NOTCH2: variants seen among roughly 807,000 people sequenced by gnomAD.
NOTCH2 encodes notch receptor 2.
NOTCH2 carries 29 observed loss-of-function variants against 235.8 expected under a neutral mutation model. That is an observed-to-expected ratio of 0.12 (90% confidence interval 0.09 to 0.17). The LOEUF (loss-of-function observed/expected upper bound fraction) is 0.17, where lower values mean the gene tolerates loss of function less well. Among genes scored for constraint, NOTCH2 ranks in the 10% least tolerant of loss-of-function variants. NOTCH2 has a pLI of 1.00. For missense variants in NOTCH2, 2,285 were observed against 3,150.2 expected (o/e 0.73, Z 6.57); for synonymous variants, 1,086 against 1,141.5 (o/e 0.95, Z 0.98).
rs1474783150 is a variant in NOTCH2, at chr1:120,065,883, CACAAT to C, written c.73+3446_73+3450del. ...GAAGCATGTAACTATGGACTGTGAACACAATATAAAGAAAATGATGTAAAATTTCT... is the reference window on the plus strand; with the variant it reads ...GAAGCATGTAACTATGGACTGTGAACATAAAGAAAATGATGTAAAATTTCT... On this transcript the variant is annotated intron_variant, in intron 1 of 33. Transcript: ENST00000256646. Among the ~76,000 whole-genome samples, 14 of 151,974 alleles carry C rather than the reference CACAAT, an allele frequency of 9.2e-5. 1 individual carries two copies. Among genetic ancestry groups the C allele is most frequent in the Admixed American group, 3.3e-4 (5 of 15,248 alleles).
chr1:119,959,634 GT>G (rs1162150052), intron 11 of NOTCH2, 132 bp from the exon 12 acceptor site: 5 of 701,504 alleles, frequency 7.1e-6, no homozygotes, highest in Non-Finnish European at 1.3e-5. Context: ...TAAAGCAGAA[GT>G]TCTCAAAATG....
intron 1 of NOTCH2, among the ~76,000 whole-genome samples, chr1:120,035,061 T>C (rs587657295): frequency 8.1e-3 from 1,223 of 151,324 alleles, no homozygotes; most frequent in African/African-American, 0.029. Flanking sequence ...AATGGTCCAG[T>C]GAGTAAAAAG....
At chr1:119,971,630 C>G (rs1320651238) in intron 5 of NOTCH2, among the ~76,000 whole-genome samples, 5 of 152,076 alleles carry the variant, frequency 3.3e-5, no homozygotes. Flanking sequence ...GACCAGCCTG[C>G]AGGCACTACT....
At chr1:119,923,503 G>A (rs1485734281) in intron 26 of NOTCH2, 134 bp downstream of exon 26, 1 of 804,410 alleles carries the variant, frequency 1.2e-6, no homozygotes, top group Non-Finnish European at 2.1e-6. Flanking sequence ...TGGGGTAACG[G>A]GTTTATCTTA....
Position 119,968,137 on chromosome 1 carries a change from T to C in NOTCH2, c.1204A>G (p.Thr402Ala). The change falls in exon 7 of 34, where the codon ACC (threonine) becomes GCC (alanine). Residue 402 changes from threonine to alanine, a missense_variant. Coordinates refer to ENST00000256646, the MANE Select transcript of NOTCH2 (RefSeq NM_024408.4). The part of the protein sequence containing the change: ...TNPLNGQYIC[T>A]CPQGYKGADC... ...GCCCCTTTGTAGCCTTGTGGGCAGGTGCAAATATATTGCCCATTTAGGGGG... is the reference window on the plus strand; with the variant it reads ...GCCCCTTTGTAGCCTTGTGGGCAGGCGCAAATATATTGCCCATTTAGGGGG... 6.2e-7 allele frequency: 1 copy of C among 1,614,126 alleles called. No homozygotes were observed. The highest frequency in any genetic ancestry group is 8.5e-7 in the Non-Finnish European group (1 of 1,179,966).
chr1:119,938,350 A>G (rs1557812744), intron 19 of NOTCH2, among the ~76,000 whole-genome samples: 2 of 152,210 alleles, frequency 1.3e-5, no homozygotes, highest in South Asian at 4.1e-4. Flanking sequence ...AAAATCACTA[A>G]ACTTCAAATT....
chr1:119,982,721 G>A (rs1035002239), intron 5 of NOTCH2, among the ~76,000 whole-genome samples: 7 of 152,198 alleles, frequency 4.6e-5, no homozygotes, highest in Admixed American at 2.0e-4. Flanking sequence ...CTATAAAGAA[G>A]TAAATCATCT....
At chr1:119,965,331 A>T in intron 10 of NOTCH2, 122 bp downstream of exon 10, 1 of 847,948 alleles carries the variant, frequency 1.2e-6, no homozygotes, top group South Asian at 1.3e-5. Context: ...AGCTCTTCCT[A>T]AACACAGAGG....
intron 11 of NOTCH2, among the ~76,000 whole-genome samples, chr1:119,962,766 T>C (rs1226528707): frequency 6.6e-6 from 1 of 152,222 alleles, no homozygotes; most frequent in African/African-American, 2.4e-5. Context: ...CTTCCACTAA[T>C]ACATTTTCCT....
At chr1:120,047,938 C>T (rs1319341620) in intron 1 of NOTCH2, among the ~76,000 whole-genome samples, 7 of 144,664 alleles carry the variant, frequency 4.8e-5, no homozygotes, top group Non-Finnish European at 9.1e-5. Flanking sequence ...CTAATTTTTG[C>T]ATTTTTTTCC....
At chr1:119,936,311 G>A (rs1553195719) in intron 21 of NOTCH2, among the ~76,000 whole-genome samples, 1 of 152,194 alleles carries the variant, frequency 6.6e-6, no homozygotes, top group Non-Finnish European at 1.5e-5. Flanking sequence ...TCTAGGTGAT[G>A]TCACTCAACA....
chr1:119,975,935 G>T (rs1311140556), intron 5 of NOTCH2, among the ~76,000 whole-genome samples: 2 of 152,154 alleles, frequency 1.3e-5, no homozygotes, highest in Non-Finnish European at 2.9e-5. Flanking sequence ...ACAAGAGAAA[G>T]AAAGAAAAGA....
rs2101124672 is a variant in NOTCH2 at position 119,955,176 on chromosome 1, C to T, written c.2083G>A (p.Ala695Thr). The T allele has an allele frequency of 3.1e-6, 5 of 1,614,110 alleles. No homozygotes were observed. The highest frequency in any genetic ancestry group is 4.2e-6 in the Non-Finnish European group (5 of 1,180,008). The change falls in exon 13 of 34, where the codon GCA becomes ACA. Residue 695 changes from alanine (A) to threonine (T), a missense_variant. Around this residue, in one of 6 missense-constraint regions of NOTCH2, gnomAD observed 1,173 missense variants for 1,515.3 expected, o/e 0.77. Transcript: ENST00000256646. Reference sequence around the variant, plus strand: ...CCATTCACACCGTTGATACATGTTGCACCCTTGCGACAGGGATTGGAGGCA... The same window carrying T: ...CCATTCACACCGTTGATACATGTTGTACCCTTGCGACAGGGATTGGAGGCA... Reference protein sequence around the residue: ...ECASNPCRKGATCINGVNGFR... With the variant: ...ECASNPCRKGTTCINGVNGFR...
rs1169322950 is a variant in NOTCH2 at position 119,916,285 on chromosome 1, A to G, written c.6437T>C (p.Val2146Ala). 6.2e-7 allele frequency: 1 copy of G among 1,614,086 alleles called. No individual in the cohort carries two copies. Among genetic ancestry groups the G allele is most frequent in the Admixed American group, 1.7e-5 (1 of 60,014 alleles). ...SEKVQLSESS[V>A]TLSPVDSLES... ...TAGGGAATCAACAGGGGATAAAGTT[A>G]CTGAACTCTCAGACAGTTGGACCTT... The change falls in exon 34 of 34, where the codon GTA becomes GCA. Residue 2146 changes from valine (V) to alanine (A), a missense_variant. This residue lies in a region of NOTCH2 where 504 missense variants were observed against 538.0 expected (regional missense o/e 0.94). Transcript: ENST00000256646.
In NOTCH2 at chr1:119,955,075, G is replaced by T; in HGVS notation, c.2184C>A (p.Pro728=). The part of the protein sequence containing the change: ...YSQVNECLSN[P]CIHGNCTGGL... ...CTCCAGTACAGTTTCCATGGATGCA[G>T]GGATTGCTCAGGCATTCGTTCACCT... The change falls in exon 13 of 34, where the codon CCC becomes CCA. Residue 728 remains proline (P), a synonymous_variant. Transcript: ENST00000256646. The T allele has an allele frequency of 2.5e-6, 4 of 1,614,100 alleles. No homozygotes were observed. Among genetic ancestry groups the T allele is most frequent in the Non-Finnish European group, 3.4e-6 (4 of 1,179,996 alleles).
intron 1 of NOTCH2, among the ~76,000 whole-genome samples, chr1:120,064,809 C>G (rs1553216790): frequency 6.8e-6 from 1 of 146,536 alleles, no homozygotes; most frequent in Non-Finnish European, 1.5e-5. Flanking sequence ...CAATCCAGTA[C>G]AAGTTTGCAA....
intron 25 of NOTCH2, among the ~76,000 whole-genome samples, chr1:119,924,337 C>T (rs915280851): frequency 6.6e-6 from 1 of 152,146 alleles, no homozygotes; most frequent in Admixed American, 6.5e-5. Context: ...CCATTGCCCC[C>T]AGTAAGGTAA....
intron 12 of NOTCH2, among the ~76,000 whole-genome samples, chr1:119,957,829 A>AACACACACACACACACACACAC (rs3222739): frequency 2.6e-5 from 3 of 116,438 alleles, no homozygotes; most frequent in East Asian, 3.0e-4. Flanking sequence ...GCCTTATATA[A>AACACACACACACACACACACAC]ACACACACAC....
Position 119,967,529 on chromosome 1 carries a change from A to C in NOTCH2, c.1357T>G (p.Cys453Gly). 1 of 1,614,122 alleles carries C rather than the reference A, an allele frequency of 6.2e-7. No individual in the cohort carries two copies. Among genetic ancestry groups the C allele is most frequent in the Non-Finnish European group, 8.5e-7 (1 of 1,179,976 alleles). Residue 453 changes from cysteine to glycine, a missense_variant, in exon 8 of 34, where the codon TGT (cysteine) becomes GGT (glycine). Transcript: ENST00000256646. ...TGGCACTCATTGATGTCCATCTCAC[A>C]ACGAGGTCCTGCATAACCCTTCAGA... Reference protein sequence around the residue: ...ECLKGYAGPRCEMDINECHSD... With the variant: ...ECLKGYAGPRGEMDINECHSD...
Sources: allele counts gnomAD v4.1 joint callset (sites outside exome capture counted in the v4.1 genomes callset), GRCh38; gene constraint gnomAD v4.1.1; regional missense constraint gnomAD v4.1.1; transcripts MANE v1.5; gene names NCBI Gene and HGNC (gene_info 2026-07-23, HGNC 2026-07-21).